The following IL1RAPL1 variants were observed in gnomAD, a reference collection of about 807,000 sequenced individuals.
IL1RAPL1 encodes the protein interleukin 1 receptor accessory protein like 1, also known as interleukin-1 receptor accessory protein-like 1.
IL1RAPL1 carries 3 observed loss-of-function variants against 48.4 expected under a neutral mutation model. That is an observed-to-expected ratio of 0.06 (90% confidence interval 0.03 to 0.16). The LOEUF (loss-of-function observed/expected upper bound fraction) is 0.16. Ranked by LOEUF, IL1RAPL1 falls within the 10% of genes least tolerant of loss-of-function variation. The probability of loss-of-function intolerance (pLI) is 1.00; values close to 1 mark genes in which losing one functional copy is unlikely to be tolerated. For missense variants in IL1RAPL1, 349 were observed against 530.6 expected, an observed-to-expected ratio of 0.66 and a Z score of 3.36; for synonymous variants, 185 against 187.7, an observed-to-expected ratio of 0.99 and a Z score of 0.12.
At chrX:29,011,704 A>G (rs1926125811) in intron 2 of IL1RAPL1, among the ~76,000 whole-genome samples, 1 of 112,334 alleles carries the variant, frequency 8.9e-6, no homozygotes, top group South Asian at 3.7e-4. Flanking sequence ...GATTGTAGCG[A>G]TGATTTCCTG....
At chrX:29,075,900 G>A (rs17333831) in intron 2 of IL1RAPL1, among the ~76,000 whole-genome samples, 1,375 of 111,560 alleles carry the variant, frequency 0.012, 56 homozygotes, top group East Asian at 0.088. Flanking sequence ...AAAGGTCGTC[G>A]TTTGCTTTTT....
intron 1 of IL1RAPL1, among the ~76,000 whole-genome samples, chrX:28,662,884 AT>A (rs1934837747): frequency 9.0e-6 from 1 of 111,353 alleles, no homozygotes. Context: ...ACAGATGAGA[AT>A]TCTGACTTAC....
intron 2 of IL1RAPL1, among the ~76,000 whole-genome samples, chrX:28,801,925 T>G (rs1936680836): frequency 1.8e-5 from 2 of 112,142 alleles, no homozygotes; most frequent in Admixed American, 1.9e-4. Context: ...AAATATTTAT[T>G]GAGCACTTTC....
intron 2 of IL1RAPL1, among the ~76,000 whole-genome samples, chrX:29,103,531 C>G (rs2147465400): frequency 9.0e-6 from 1 of 111,511 alleles, no homozygotes; most frequent in East Asian, 2.8e-4. Context: ...GAAGAAAACA[C>G]TGGGGAAACT....
At chrX:29,399,812 G>A (rs1267031974) in intron 5 of IL1RAPL1, among the ~76,000 whole-genome samples, 1 of 88,233 alleles carries the variant, frequency 1.1e-5, no homozygotes, top group Non-Finnish European at 2.3e-5. Context: ...AGAGCAAGAC[G>A]AAGTCTCAGA....
intron 2 of IL1RAPL1, among the ~76,000 whole-genome samples, chrX:29,027,922 TTGTGTGTGTG>T (rs751730303): frequency 9.6e-5 from 10 of 104,688 alleles, no homozygotes; most frequent in African/African-American, 3.1e-4. Context: ...AGATTTCTTT[TTGTGTGTGTG>T]TGTGTGTGTG....
chrX:29,337,718 A>C (rs1933015842), intron 3 of IL1RAPL1, among the ~76,000 whole-genome samples: 1 of 111,717 alleles, frequency 9.0e-6, no homozygotes, highest in African/African-American at 3.3e-5. Flanking sequence ...TCTGTCACCC[A>C]GGCTGGAGTG....
At chrX:29,379,691 C>T (rs1356519931) in intron 3 of IL1RAPL1, among the ~76,000 whole-genome samples, 5 of 111,863 alleles carry the variant, frequency 4.5e-5, no homozygotes, top group Non-Finnish European at 1.9e-5. Flanking sequence ...ACCTTATACA[C>T]GGTTCCCAGA....
In IL1RAPL1 at chrX:29,141,473, A is replaced by C. The variant is rs189014607; in HGVS notation, c.83-141465A>C. On this transcript the variant is annotated intron_variant, in intron 2 of 10. Coordinates refer to ENST00000378993, the MANE Select transcript of IL1RAPL1 (RefSeq NM_014271.4). Reference sequence around the variant, plus strand: ...ATGGTGTTTTGAAAAATATTTTTACACTCTATTACTTTTATTCTTACCCTT... The same window carrying C: ...ATGGTGTTTTGAAAAATATTTTTACCCTCTATTACTTTTATTCTTACCCTT... Among the ~76,000 whole-genome samples, 8 of 110,915 alleles carry C rather than the reference A, an allele frequency of 7.2e-5. No individual in the cohort carries two copies. The East Asian group carries it at 2.3e-3, about 32-fold the overall frequency.
chrX:29,428,292 C>T (rs1312349476), intron 5 of IL1RAPL1, among the ~76,000 whole-genome samples: 2 of 111,776 alleles, frequency 1.8e-5, no homozygotes, highest in Non-Finnish European at 3.8e-5. Flanking sequence ...ACAGATAAGG[C>T]AGGCTGAGTT....
chrX:28,641,512 C>T (rs1006832968), intron 1 of IL1RAPL1, among the ~76,000 whole-genome samples: 12 of 111,316 alleles, frequency 1.1e-4, no homozygotes, highest in Non-Finnish European at 1.7e-4. Context: ...GTGAATAGTG[C>T]GTGCTGCAAT....
At position 28,728,861 on chromosome X, in the gene IL1RAPL1, G is replaced by A. The variant is rs1232005626; in HGVS notation, c.-24-60459G>A. Among the ~76,000 whole-genome samples the A allele has an allele frequency of 9.0e-5, 10 of 111,245 alleles. No individual in the cohort carries two copies. In the South Asian group the frequency reaches 2.2e-3, roughly 25 times the overall value. On this transcript the variant is annotated intron_variant, in intron 1 of 10. Transcript: ENST00000378993. ...CTCTGGAGTCATGTCCTTCCACAGT[G>A]TTTTATATTTACTTTCTTGTAGATA...
intron 2 of IL1RAPL1, among the ~76,000 whole-genome samples, chrX:29,126,281 T>C (rs751217838): frequency 4.5e-5 from 5 of 112,086 alleles, no homozygotes; most frequent in Admixed American, 2.8e-4. Flanking sequence ...TGATTAAAAG[T>C]TTGATTATAA....
At chrX:29,168,224 A>G (rs1259649473) in intron 2 of IL1RAPL1, among the ~76,000 whole-genome samples, 1 of 108,716 alleles carries the variant, frequency 9.2e-6, no homozygotes, top group Non-Finnish European at 1.9e-5. Flanking sequence ...CTGTCTTGAA[A>G]TATATATTAC....
At chrX:29,541,092 CAAAT>C (rs758766934) in intron 5 of IL1RAPL1, among the ~76,000 whole-genome samples, 14 of 111,847 alleles carry the variant, frequency 1.3e-4, no homozygotes, top group East Asian at 5.6e-4. Flanking sequence ...AAACTAAAAA[CAAAT>C]AACCCCATTA....
intron 6 of IL1RAPL1, among the ~76,000 whole-genome samples, chrX:29,854,396 T>C (rs997429600): frequency 8.9e-6 from 1 of 111,872 alleles, no homozygotes; most frequent in Non-Finnish European, 1.9e-5. Context: ...AGGAAAGGTA[T>C]TGATGAGATA....
chrX:29,528,412 G>A (rs1350966068), intron 5 of IL1RAPL1, among the ~76,000 whole-genome samples: 2 of 112,712 alleles, frequency 1.8e-5, no homozygotes, highest in Non-Finnish European at 3.7e-5. Flanking sequence ...TGCTGCCTTT[G>A]TGTGTAAAAG....
At chrX:29,323,748 T>TAAA (rs1932823865) in intron 3 of IL1RAPL1, among the ~76,000 whole-genome samples, 2 of 33,124 alleles carry the variant, frequency 6.0e-5, no homozygotes, top group African/African-American at 3.2e-4. Flanking sequence ...TATATATATA[T>TAAA]ATATATATAT....
chrX:28,990,634 T>A (rs1601999391), intron 2 of IL1RAPL1, among the ~76,000 whole-genome samples: 1 of 111,588 alleles, frequency 9.0e-6, no homozygotes. Flanking sequence ...AGGTAGGTTC[T>A]GGGGCCAGCC....
Sources: allele counts gnomAD v4.1 joint callset (sites outside exome capture counted in the v4.1 genomes callset), GRCh38; gene constraint gnomAD v4.1.1; transcripts MANE v1.5; gene names NCBI Gene and HGNC (gene_info 2026-07-23, HGNC 2026-07-21).